CHRNA10: variants seen among roughly 807,000 people sequenced by gnomAD.
CHRNA10 encodes the protein cholinergic receptor nicotinic alpha 10 subunit, also known as neuronal acetylcholine receptor subunit alpha-10.
Under a neutral mutation model 36.0 loss-of-function variants are expected in CHRNA10, and 31 were observed. The ratio of observed to expected loss-of-function variants is 0.86; its 90% CI spans 0.65 to 1.16. The LOEUF is 1.16. Ranked by LOEUF, CHRNA10 falls within the 50% of genes most tolerant of loss-of-function variation. The pLI is 0.00. For synonymous variants in CHRNA10, 302 were observed against 287.0 expected, an observed-to-expected ratio of 1.05 and a Z score of -0.53; for missense variants, 648 against 640.9, an observed-to-expected ratio of 1.01 and a Z score of -0.12.
Position 3,669,953 on chromosome 11 carries a change from G to C in CHRNA10, c.62-12C>G, listed in dbSNP as rs776813196. The C allele has an allele frequency of 6.2e-7, 1 of 1,614,054 alleles. No individual in the cohort carries two copies. Among genetic ancestry groups the C allele is most frequent in the South Asian group, 1.1e-5 (1 of 91,078 alleles). On this transcript the variant is annotated splice_polypyrimidine_tract_variant and intron_variant, in intron 1 of 4. Transcript: ENST00000250699. ...AGCTCCCAGGCACTCTGGAGGGTCAGTAAGGAGGGTTGTCCATCCCAGGCC... is the reference window on the plus strand; with the variant it reads ...AGCTCCCAGGCACTCTGGAGGGTCACTAAGGAGGGTTGTCCATCCCAGGCC...
rs116479315 is a variant in CHRNA10, at chr11:3,666,983, C to T, written c.895+249G>A. 1.6e-3 allele frequency among the ~76,000 whole-genome samples: 242 copies of T among 152,288 alleles called. 1 individual carries two copies. The highest frequency in any genetic ancestry group is 5.5e-3 in the African/African-American group (230 of 41,558). On this transcript the variant is annotated intron_variant, in intron 4 of 4. Coordinates refer to ENST00000250699, the MANE Select transcript of CHRNA10 (RefSeq NM_020402.4). The stretch of plus-strand genomic sequence containing the variant: ...GAGTGCCTGGCACACAGCAAGCAGT[C>T]GACAGATTTTGCCTATCATTAGGAT...
rs2077654819 is a variant in CHRNA10 at position 3,665,817 on chromosome 11, A to G, written c.*290T>C. Reference sequence around the variant, plus strand: ...CCATGTGCTCCCCACTGAGAGCTCCAATACCCAGCACAAACAATTCTGTCC... The same window carrying G: ...CCATGTGCTCCCCACTGAGAGCTCCGATACCCAGCACAAACAATTCTGTCC... On this transcript the variant is annotated 3_prime_UTR_variant, in exon 5 of 5. Coordinates refer to ENST00000250699, the MANE Select transcript of CHRNA10 (RefSeq NM_020402.4). 5.9e-6 allele frequency: 2 copies of G among 338,896 alleles called. No homozygotes were observed. The highest frequency in any genetic ancestry group is 2.1e-5 in the African/African-American group (1 of 47,574). The allele number at this position is 338,896 out of a possible 1,614,324, so 21.0% of individuals were successfully genotyped here.
In CHRNA10 at chr11:3,667,214, C is replaced by T. The variant is rs2231544; in HGVS notation, c.895+18G>A. ...ACCCCAGCGCATCGTCAGGTCCCCC[C>T]GCGCCCCCGCTGCTCACCGATGAGC... On this transcript the variant is annotated intron_variant, in intron 4 of 4. Transcript: ENST00000250699. The T allele has an allele frequency of 7.8e-6, 12 of 1,543,982 alleles. No individual in the cohort carries two copies. Among genetic ancestry groups the T allele is most frequent in the Middle Eastern group, 2.1e-4 (1 of 4,652 alleles).
Position 3,669,255 on chromosome 11 carries a change from C to CT in CHRNA10, c.302_303insA (p.Asp102GlyfsTer19). 6.2e-7 allele frequency: 1 copy of CT among 1,614,080 alleles called. No individual in the cohort carries two copies. On this transcript the variant is annotated frameshift_variant, in exon 3 of 5. Transcript: ENST00000250699. LOFTEE classifies it high-confidence loss of function. Reference sequence around the variant, plus strand: ...GACTGCTGGGGATGCGGATGGCATCCAGGCCACCATAGGCATTGGGGTCCC... The same window carrying CT: ...GACTGCTGGGGATGCGGATGGCATCCTAGGCCACCATAGGCATTGGGGTCCC...
Position 3,667,610 on chromosome 11 carries a change from C to G in CHRNA10, c.517G>C (p.Gly173Arg). 6.4e-7 allele frequency: 1 copy of G among 1,556,942 alleles called. No homozygotes were observed. The highest frequency in any genetic ancestry group is 1.2e-5 in the South Asian group (1 of 86,300). The change falls in exon 4 of 5, where the codon GGC becomes CGC. Residue 173 changes from glycine (G) to arginine (R), a missense_variant. Coordinates refer to ENST00000250699, the MANE Select transcript of CHRNA10 (RefSeq NM_020402.4). ...FDAQHCGLTFGSWTHGGHQLD... is the reference protein window; with the variant it reads ...FDAQHCGLTFRSWTHGGHQLD... ...TGGTGCCCGCCGTGAGTCCAGGAGC[C>G]GAACGTCAGGCCGCAGTGCTGGGCG...
At chr11:3,667,085 C>G (rs2077667963) in intron 4 of CHRNA10, 147 bp downstream of exon 4, 1 of 1,317,308 alleles carries the variant, frequency 7.6e-7, no homozygotes, top group Non-Finnish European at 1.0e-6. Context: ...ATCCTTTCCC[C>G]TCAGTCTTAA....
At chr11:3,670,392 C>T (rs1410258971) in intron 1 of CHRNA10, among the ~76,000 whole-genome samples, 3 of 152,172 alleles carry the variant, frequency 2.0e-5, no homozygotes, top group Non-Finnish European at 2.9e-5. Context: ...ACTCTGAAAA[C>T]ACACTTCCCC....
Position 3,666,320 on chromosome 11 carries a change from C to A in CHRNA10, c.1140G>T (p.Ala380=). 1 of 1,613,278 alleles carries A rather than the reference C, an allele frequency of 6.2e-7. No homozygotes were observed. Among genetic ancestry groups the A allele is most frequent in the Non-Finnish European group, 8.5e-7 (1 of 1,179,764 alleles). ...GACATCGTGGCTCGTGGCAAGGGCCCGCTGGGGGGCCAGCCCCTCCTTCAG... is the reference window on the plus strand; with the variant it reads ...GACATCGTGGCTCGTGGCAAGGGCCAGCTGGGGGGCCAGCCCCTCCTTCAG... The part of the protein sequence containing the change: ...QSPEGGAGPP[A]GPCHEPRCLC... Residue 380 remains alanine (A), a synonymous_variant, in exon 5 of 5, where the codon GCG becomes GCT. Coordinates refer to ENST00000250699, the MANE Select transcript of CHRNA10 (RefSeq NM_020402.4).
In CHRNA10 at chr11:3,668,279, C is replaced by G. The variant is rs575134036; in HGVS notation, c.363-515G>C. Among the ~76,000 whole-genome samples the G allele has an allele frequency of 8.5e-5, 13 of 152,160 alleles. No individual in the cohort carries two copies. The South Asian group carries it at 2.7e-3, about 32-fold the overall frequency. Reference sequence around the variant, plus strand: ...CTGTGATCCCAGCACTTTGGGAGGCCGAGGTGGGCGGATCACGAGGTCAGG... The same window carrying G: ...CTGTGATCCCAGCACTTTGGGAGGCGGAGGTGGGCGGATCACGAGGTCAGG... On this transcript the variant is annotated intron_variant, in intron 3 of 4. Transcript: ENST00000250699.
intron 3 of CHRNA10, among the ~76,000 whole-genome samples, 190 bp from the exon 4 acceptor site, chr11:3,667,954 G>A (rs903349718): frequency 1.3e-5 from 2 of 152,326 alleles, no homozygotes; most frequent in Admixed American, 1.3e-4. Context: ...CTGGCCTGAT[G>A]GCAGGACATC....
Position 3,669,281 on chromosome 11 carries a change from A to G in CHRNA10, c.277T>C (p.Trp93Arg). 6.2e-7 allele frequency: 1 copy of G among 1,614,084 alleles called. No homozygotes were observed. The highest frequency in any genetic ancestry group is 8.5e-7 in the Non-Finnish European group (1 of 1,179,982). Residue 93 changes from tryptophan to arginine, a missense_variant, in exon 3 of 5, where the codon TGG becomes CGG. Coordinates refer to ENST00000250699, the MANE Select transcript of CHRNA10 (RefSeq NM_020402.4). ...RQEWTDAYLR[W>R]DPNAYGGLDA... Reference sequence around the variant, plus strand: ...AGGCCACCATAGGCATTGGGGTCCCATCGTAGGTAGGCATCTGTCCACTCC... The same window carrying G: ...AGGCCACCATAGGCATTGGGGTCCCGTCGTAGGTAGGCATCTGTCCACTCC...
rs762423133 is a variant in CHRNA10 at position 3,667,790 on chromosome 11, C to G, written c.363-26G>C. 6 of 1,460,972 alleles carry G rather than the reference C, an allele frequency of 4.1e-6. No individual in the cohort carries two copies. In the Admixed American group the frequency reaches 1.4e-4, roughly 35 times the overall value. The allele number at this position is 1,460,972 out of a possible 1,614,324, so 90.5% of individuals were successfully genotyped here. A position where few individuals can be genotyped will look rare whatever the true frequency, so the allele number is the denominator to read the frequency against. On this transcript the variant is annotated intron_variant, in intron 3 of 4. Transcript: ENST00000250699. ...CTGGGGGCAGGCGGGGCAGGGCTCA[C>G]CTAGGCTGTCCAGCCTGAGGAGCAG...
intron 2 of CHRNA10, 63 bp downstream of exon 2, chr11:3,669,733 C>G: frequency 6.3e-7 from 1 of 1,579,168 alleles, no homozygotes; most frequent in Non-Finnish European, 8.7e-7. Flanking sequence ...CAGTCTCTCA[C>G]CCCTTCATTT....
In CHRNA10 at chr11:3,669,864, G is replaced by C. The variant is rs1385164848; in HGVS notation, c.139C>G (p.Pro47Ala). The C allele has an allele frequency of 1.2e-6, 2 of 1,614,030 alleles. No homozygotes were observed. Among genetic ancestry groups the C allele is most frequent in the African/African-American group, 2.7e-5 (2 of 74,914 alleles). Residue 47 changes from proline to alanine, a missense_variant, in exon 2 of 5, where the codon CCT becomes GCT. Pro to Ala is a conservative substitution (Grantham distance 27). Coordinates refer to ENST00000250699, the MANE Select transcript of CHRNA10 (RefSeq NM_020402.4). The part of the protein sequence containing the change: ...LFANYTSALR[P>A]VADTDQTLNV... Reference sequence around the variant, plus strand: ...AGAGTCTGGTCTGTGTCTGCCACAGGTCTCAGGGCACTTGTGTAGTTGGCA... The same window carrying C: ...AGAGTCTGGTCTGTGTCTGCCACAGCTCTCAGGGCACTTGTGTAGTTGGCA...
In CHRNA10 at chr11:3,669,934, C is replaced by T. The variant is rs143788949; in HGVS notation, c.69G>A (p.Leu23=). 73 of 1,614,146 alleles carry T rather than the reference C, an allele frequency of 4.5e-5. 1 individual carries two copies. In the South Asian group the frequency reaches 5.9e-4, roughly 13 times the overall value. The part of the protein sequence containing the change: ...LLLFLLPAEC[L]GAEGRLALKL... Reference sequence around the variant, plus strand: ...TGAGAGCCAGCCGGCCCTCAGCTCCCAGGCACTCTGGAGGGTCAGTAAGGA... The same window carrying T: ...TGAGAGCCAGCCGGCCCTCAGCTCCTAGGCACTCTGGAGGGTCAGTAAGGA... The change falls in exon 2 of 5, where the codon CTG becomes CTA. Residue 23 remains leucine (L), a synonymous_variant. Coordinates refer to ENST00000250699, the MANE Select transcript of CHRNA10 (RefSeq NM_020402.4).
In CHRNA10 at chr11:3,671,262, TAGAAAC is replaced by T. The variant is rs773818649; in HGVS notation, c.45_50del (p.Phe16_Leu17del). 8.7e-6 allele frequency: 14 copies of T among 1,613,366 alleles called. No homozygotes were observed. The Middle Eastern group carries it at 8.3e-4, about 95-fold the overall frequency. ...TACTGAGCTTCATACCTGCAGGGAG[TAGAAAC>T]AGAAGCAGAAGGCCCAGGCTGAGGT... On this transcript the variant is annotated inframe_deletion, in exon 1 of 5. Coordinates refer to ENST00000250699, the MANE Select transcript of CHRNA10 (RefSeq NM_020402.4).
chr11:3,665,884 CTCTT>C lies in CHRNA10; in HGVS notation c.*219_*222del, dbSNP rs1002504968. The stretch of plus-strand genomic sequence containing the variant: ...TGTGATCTTGGCCTTTGTAGAGTTC[CTCTT>C]TTTTTTGGAATTAGGGGAGTGGCAG... On this transcript the variant is annotated 3_prime_UTR_variant, in exon 5 of 5. Transcript: ENST00000250699. 4.2e-6 allele frequency: 2 copies of C among 479,186 alleles called. No homozygotes were observed. Among genetic ancestry groups the C allele is most frequent in the African/African-American group, 3.9e-5 (2 of 51,096 alleles). 29.7% of individuals were successfully genotyped at this position (479,186 alleles called of 1,614,324 possible).
Position 3,671,342 on chromosome 11 carries a change from T to C in CHRNA10, c.-30A>G, listed in dbSNP as rs748005054. The C allele has an allele frequency of 2.2e-5, 36 of 1,612,302 alleles. No individual in the cohort carries two copies. The highest frequency in any genetic ancestry group is 3.1e-5 in the Non-Finnish European group (36 of 1,178,760). On this transcript the variant is annotated 5_prime_UTR_variant, in exon 1 of 5. Coordinates refer to ENST00000250699, the MANE Select transcript of CHRNA10 (RefSeq NM_020402.4). ...CTGGCACTGCAAGAGCGGGGGCAGGTCTCTGGATGTGAGGCCTCCTGGCCA... is the reference window on the plus strand; with the variant it reads ...CTGGCACTGCAAGAGCGGGGGCAGGCCTCTGGATGTGAGGCCTCCTGGCCA...
chr11:3,667,595 C>A lies in CHRNA10; in HGVS notation c.532G>T (p.Gly178Cys). Residue 178 changes from glycine (G) to cysteine (C), a missense_variant, in exon 4 of 5, where the codon GGC becomes TGC. Gly to Cys is a radical substitution (Grantham distance 159, BLOSUM62 -3). Coordinates refer to ENST00000250699, the MANE Select transcript of CHRNA10 (RefSeq NM_020402.4). ...CGLTFGSWTH[G>C]GHQLDVRPRG... The stretch of plus-strand genomic sequence containing the variant: ...GGCCGCACATCCAGTTGGTGCCCGC[C>A]GTGAGTCCAGGAGCCGAACGTCAGG... 2.6e-6 allele frequency: 4 copies of A among 1,557,312 alleles called. No homozygotes were observed. Among genetic ancestry groups the A allele is most frequent in the South Asian group, 1.2e-5 (1 of 86,456 alleles).
Sources: gnomAD v4.1 joint callset for allele counts (sites outside exome capture counted in the v4.1 genomes callset) on GRCh38, gnomAD v4.1.1 for gene constraint, MANE v1.5 for transcripts, NCBI Gene and HGNC (gene_info 2026-07-23, HGNC 2026-07-21) for gene names.